The following DLGAP2 variants were observed in gnomAD, a reference collection of about 807,000 sequenced individuals.
The protein encoded by DLGAP2 is disks large-associated protein 2.
DLGAP2 carries 26 observed loss-of-function variants against 100.3 expected under a neutral mutation model. That is an observed-to-expected ratio of 0.26 (90% CI 0.19 to 0.36). The LOEUF (loss-of-function observed/expected upper bound fraction) is 0.36, where lower values mean the gene tolerates loss of function less well. Ranked by LOEUF, DLGAP2 falls within the 10% of genes least tolerant of loss-of-function variation. DLGAP2 has a pLI of 1.00. For synonymous variants in DLGAP2, 886 were observed against 630.1 expected (o/e 1.41, Z -6.08); for missense variants, 1,858 against 1,453.2 (o/e 1.28, Z -4.53).
At chr8:974,121 G>A (rs926957294) in intron 2 of DLGAP2, among the ~76,000 whole-genome samples, 1 of 152,180 alleles carries the variant, frequency 6.6e-6, no homozygotes, top group Non-Finnish European at 1.5e-5. Flanking sequence ...AAGTTGATGA[G>A]AATTTTTCGG....
At chr8:933,613 G>A (rs1799012348) in intron 2 of DLGAP2, among the ~76,000 whole-genome samples, 1 of 99,734 alleles carries the variant, frequency 1.0e-5, no homozygotes. Flanking sequence ...TGAGGGCAGA[G>A]CCTGCTGTGG....
At chr8:1,067,946 G>C (rs981200946) in intron 2 of DLGAP2, among the ~76,000 whole-genome samples, 1 of 151,972 alleles carries the variant, frequency 6.6e-6, no homozygotes, top group Non-Finnish European at 1.5e-5. Context: ...AATCCCCTCT[G>C]CTCCGCCCAC....
Position 1,683,938 on chromosome 8 carries a change from G to C in DLGAP2, c.2704+5309G>C, listed in dbSNP as rs28450896. ...TATATATATATGTGTGTATATATGT[G>C]TATATATATATGTGTGTATATATAT... On this transcript the variant is annotated intron_variant, in intron 12 of 14. Coordinates refer to ENST00000637795, the MANE Select transcript of DLGAP2 (RefSeq NM_001346810.2). Among the ~76,000 whole-genome samples the C allele has an allele frequency of 9.7e-4, 78 of 80,658 alleles. 4 individuals are homozygous for C. The highest frequency in any genetic ancestry group is 3.7e-3 in the African/African-American group (73 of 19,734). The allele number at this position is 80,658 out of a possible 152,430, so 52.9% of individuals were successfully genotyped here. A position where few individuals can be genotyped will look rare whatever the true frequency, so the allele number is the denominator to read the frequency against.
chr8:857,493 A>G (rs895748297), intron 1 of DLGAP2, among the ~76,000 whole-genome samples: 1 of 152,236 alleles, frequency 6.6e-6, no homozygotes, highest in Admixed American at 6.5e-5. Flanking sequence ...AATGGTGAGA[A>G]AACAACCTGA....
At chr8:1,281,948 G>C (rs1470288217) in intron 3 of DLGAP2, among the ~76,000 whole-genome samples, 2 of 151,540 alleles carry the variant, frequency 1.3e-5, no homozygotes, top group Non-Finnish European at 1.5e-5. Context: ...GCATGCACCA[G>C]GGCCGCAAAC....
intron 2 of DLGAP2, among the ~76,000 whole-genome samples, chr8:981,038 A>G (rs1563126546): frequency 6.6e-6 from 1 of 152,176 alleles, no homozygotes; most frequent in Admixed American, 6.5e-5. Flanking sequence ...AATTTTCCTT[A>G]GGCCACATAG....
intron 1 of DLGAP2, among the ~76,000 whole-genome samples, chr8:817,101 G>T (rs1305531256): frequency 6.8e-6 from 1 of 146,912 alleles, no homozygotes; most frequent in South Asian, 2.1e-4. Context: ...AGATCGCGCC[G>T]CTGCACTCCA....
chr8:1,350,698 C>T (rs1440033072), intron 3 of DLGAP2, among the ~76,000 whole-genome samples: 1 of 94,918 alleles, frequency 1.1e-5, no homozygotes, highest in Non-Finnish European at 2.1e-5. Context: ...AAAGGCCGTG[C>T]GGGTCCTGAG....
At chr8:1,049,563 A>T (rs1318504675) in intron 2 of DLGAP2, among the ~76,000 whole-genome samples, 2 of 152,172 alleles carry the variant, frequency 1.3e-5, no homozygotes, top group Non-Finnish European at 2.9e-5. Flanking sequence ...GGTAGGGCGT[A>T]TACAAAAAGA....
intron 1 of DLGAP2, among the ~76,000 whole-genome samples, chr8:818,134 G>T (rs575851328): frequency 6.6e-6 from 1 of 152,322 alleles, no homozygotes; most frequent in East Asian, 1.9e-4. Context: ...GCAGGGACAG[G>T]CATGTCTGAG....
At chr8:1,488,955 A>C (rs969923321) in intron 3 of DLGAP2, among the ~76,000 whole-genome samples, 3 of 152,132 alleles carry the variant, frequency 2.0e-5, no homozygotes, top group African/African-American at 7.2e-5. Context: ...CTTTTTTCAG[A>C]AACTGATTAC....
At chr8:1,057,005 T>G (rs1195978966) in intron 2 of DLGAP2, among the ~76,000 whole-genome samples, 3 of 152,222 alleles carry the variant, frequency 2.0e-5, no homozygotes, top group Non-Finnish European at 1.5e-5. Flanking sequence ...TAGTTTTCGT[T>G]AACCCCAAGA....
chr8:1,486,439 G>A (rs1442238708), intron 3 of DLGAP2, among the ~76,000 whole-genome samples: 2 of 152,176 alleles, frequency 1.3e-5, no homozygotes, highest in Non-Finnish European at 2.9e-5. Flanking sequence ...GCCATGTGGT[G>A]GCACGTGCGA....
chr8:1,573,497 G>C (rs1489028889), intron 6 of DLGAP2, among the ~76,000 whole-genome samples: 1 of 152,070 alleles, frequency 6.6e-6, no homozygotes, highest in Non-Finnish European at 1.5e-5. Flanking sequence ...GTGTCTGAGA[G>C]AAAAGTCCTT....
intron 12 of DLGAP2, among the ~76,000 whole-genome samples, chr8:1,683,954 G>GTATATATATACA (rs1554430843): frequency 1.3e-5 from 1 of 74,754 alleles, no homozygotes; most frequent in East Asian, 4.4e-4. Flanking sequence ...ATATATGTGT[G>GTATATATATACA]TATATATATA....
intron 3 of DLGAP2, among the ~76,000 whole-genome samples, chr8:1,492,177 A>G (rs1584951709): frequency 6.6e-6 from 1 of 152,224 alleles, no homozygotes; most frequent in Non-Finnish European, 1.5e-5. Flanking sequence ...AAATAAAATT[A>G]CGATCATTTC....
At chr8:957,317 C>T (rs1799619069) in intron 2 of DLGAP2, among the ~76,000 whole-genome samples, 1 of 152,224 alleles carries the variant, frequency 6.6e-6, no homozygotes, top group Admixed American at 6.5e-5. Flanking sequence ...GCCAGGGAAA[C>T]CCAAGGGTGC....
At chr8:1,688,285 G>T (rs972523098) in intron 12 of DLGAP2, 2 of 152,264 alleles carry the variant, frequency 1.3e-5, no homozygotes, top group Non-Finnish European at 2.9e-5. Context: ...AGGAAGAGCA[G>T]CCTGTCTTGA....
At chr8:1,000,920 A>G (rs1274949522) in intron 2 of DLGAP2, among the ~76,000 whole-genome samples, 1 of 152,080 alleles carries the variant, frequency 6.6e-6, no homozygotes, top group Non-Finnish European at 1.5e-5. Context: ...GCGGCCTCCG[A>G]GAGTGCCTGG....
Sources: gnomAD v4.1 joint callset for allele counts (sites outside exome capture counted in the v4.1 genomes callset) on GRCh38, gnomAD v4.1.1 for gene constraint, MANE v1.5 for transcripts, NCBI Gene and HGNC (gene_info 2026-07-23, HGNC 2026-07-21) for gene names.